Variants in ACER2 observed in about 807,000 individuals in gnomAD.
The protein encoded by ACER2 is alkaline ceramidase 2, also known as alkCDase 2.
In ACER2, 26 loss-of-function variants were observed where a neutral mutation model predicts 34.7. The ratio of observed to expected loss-of-function variants is 0.75; its 90% CI spans 0.55 to 1.04. The LOEUF is 1.04. Ranked by LOEUF, ACER2 falls within the 50% of genes least tolerant of loss-of-function variation. ACER2 has a pLI of 0.00. For missense variants in ACER2, 352 were observed against 340.8 expected, an observed-to-expected ratio of 1.03 and a Z score of -0.26; for synonymous variants, 138 against 132.1, an observed-to-expected ratio of 1.04 and a Z score of -0.31.
At chr9:19,435,372 TAGAAA>T (rs1830927797) in intron 4 of ACER2, among the ~76,000 whole-genome samples, 1 of 152,156 alleles carries the variant, frequency 6.6e-6, no homozygotes, top group African/African-American at 2.4e-5. Flanking sequence ...CTTAATTCTG[TAGAAA>T]AGAAAAGTCC....
In ACER2 at chr9:19,413,875, G is replaced by T. The variant is rs572334177; in HGVS notation, c.108+4683G>T. Reference sequence around the variant, plus strand: ...CGTTATATGCCAAGTCCTAAGTCCCGCTCTCTTCAGGCTGAATCTATCGGT... The same window carrying T: ...CGTTATATGCCAAGTCCTAAGTCCCTCTCTCTTCAGGCTGAATCTATCGGT... On this transcript the variant is annotated intron_variant, in intron 1 of 5. Transcript: ENST00000340967. Among the ~76,000 whole-genome samples, 16 of 152,224 alleles carry T rather than the reference G, an allele frequency of 1.1e-4. No individual in the cohort carries two copies. In the East Asian group the frequency reaches 3.1e-3, roughly 29 times the overall value.
chr9:19,423,293 C>G (rs763425906), intron 1 of ACER2, among the ~76,000 whole-genome samples: 2 of 152,182 alleles, frequency 1.3e-5, no homozygotes, highest in African/African-American at 2.4e-5. Context: ...TGGGCAGCAT[C>G]CATAGACTGC....
chr9:19,445,157 C>G (rs1014248059), intron 4 of ACER2, among the ~76,000 whole-genome samples: 18 of 152,356 alleles, frequency 1.2e-4, no homozygotes, highest in Middle Eastern at 3.4e-3. Context: ...CAGCTGCCCC[C>G]AGGTGTTCGT....
intron 1 of ACER2, chr9:19,409,685 C>A (rs1014500590): frequency 4.2e-6 from 4 of 958,322 alleles, no homozygotes; most frequent in Non-Finnish European, 3.7e-6. Flanking sequence ...GGCAGACTTG[C>A]CCCACCCCCA....
rs1455279882 is a variant in ACER2, at chr9:19,434,966, G to C, written c.385G>C (p.Val129Leu). Residue 129 changes from valine (V) to leucine (L), a missense_variant, in exon 4 of 6, where the codon GTC becomes CTC. Coordinates refer to ENST00000340967, the MANE Select transcript of ACER2 (RefSeq NM_001010887.3). ...RNDRGRFKVVVSVLSAVTTCL... is the reference protein window; with the variant it reads ...RNDRGRFKVVLSVLSAVTTCL... ...ATTCAGGGGTAGGTTCAAGGTGGTGGTCAGTGTCCTGTCTGCGGTTACGAC... is the reference window on the plus strand; with the variant it reads ...ATTCAGGGGTAGGTTCAAGGTGGTGCTCAGTGTCCTGTCTGCGGTTACGAC... 2 of 1,613,858 alleles carry C rather than the reference G, an allele frequency of 1.2e-6. No homozygotes were observed. The highest frequency in any genetic ancestry group is 1.7e-5 in the Admixed American group (1 of 60,030).
In ACER2 at chr9:19,440,176, A is replaced by G. The variant is rs1370424220; in HGVS notation, c.503+5092A>G. ...ATTAGTTCTCCTCACCATGCTTGAAATGTTCTTTGCCATGGCTCCTGTGAT... is the reference window on the plus strand; with the variant it reads ...ATTAGTTCTCCTCACCATGCTTGAAGTGTTCTTTGCCATGGCTCCTGTGAT... On this transcript the variant is annotated intron_variant, in intron 4 of 5. Transcript: ENST00000340967. 2.6e-5 allele frequency among the ~76,000 whole-genome samples: 4 copies of G among 152,076 alleles called. No individual in the cohort carries two copies. In the East Asian group the frequency reaches 7.7e-4, roughly 29 times the overall value.
chr9:19,409,070 T>C lies in ACER2; in HGVS notation c.-15T>C. On this transcript the variant is annotated 5_prime_UTR_variant, in exon 1 of 6. The change abolishes an upstream ATG in the 5' untranslated region. Coordinates refer to ENST00000340967, the MANE Select transcript of ACER2 (RefSeq NM_001010887.3). Reference sequence around the variant, plus strand: ...TCAGCTGCGCGAGCAGCTGCTCCAATGCCCCGGAGTGGCCATGGGCGCCCC... The same window carrying C: ...TCAGCTGCGCGAGCAGCTGCTCCAACGCCCCGGAGTGGCCATGGGCGCCCC... The C allele has an allele frequency of 6.4e-7, 1 of 1,563,430 alleles. No homozygotes were observed. The highest frequency in any genetic ancestry group is 8.7e-7 in the Non-Finnish European group (1 of 1,154,718).
intron 1 of ACER2, among the ~76,000 whole-genome samples, chr9:19,420,664 C>T (rs967719242): frequency 9.9e-5 from 15 of 152,204 alleles, no homozygotes; most frequent in Admixed American, 2.6e-4. Context: ...TGCCTTAGTC[C>T]GTTCATGCTG....
In ACER2 at chr9:19,409,166, C is replaced by G. The variant is rs1265234031; in HGVS notation, c.82C>G (p.Pro28Ala). The part of the protein sequence containing the change: ...DWCEDNYTIV[P>A]AIAEFYNTIS... ...GTGCGAGGACAACTACACCATCGTG[C>G]CTGCTATCGCCGAGTTCTACAACAC... Residue 28 changes from proline (P) to alanine (A), a missense_variant, in exon 1 of 6, where the codon CCT (proline) becomes GCT (alanine). Coordinates refer to ENST00000340967, the MANE Select transcript of ACER2 (RefSeq NM_001010887.3). 6.2e-7 allele frequency: 1 copy of G among 1,602,380 alleles called. No individual in the cohort carries two copies. The highest frequency in any genetic ancestry group is 1.1e-5 in the South Asian group (1 of 88,662).
intron 4 of ACER2, among the ~76,000 whole-genome samples, chr9:19,441,032 T>A (rs914523530): frequency 1.1e-4 from 17 of 151,530 alleles, no homozygotes; most frequent in Admixed American, 1.1e-3. Context: ...TTCAGCACAT[T>A]TTTCTTTTTC....
intron 5 of ACER2, among the ~76,000 whole-genome samples, chr9:19,449,844 A>T (rs1831498333): frequency 6.7e-6 from 1 of 149,234 alleles, no homozygotes; most frequent in African/African-American, 2.5e-5. Flanking sequence ...GTGAGCCGAG[A>T]TTGCACCATT....
intron 4 of ACER2, among the ~76,000 whole-genome samples, chr9:19,444,354 G>GGCGCCCGCCACC (rs1206004709): frequency 6.6e-6 from 1 of 151,788 alleles, no homozygotes; most frequent in Non-Finnish European, 1.5e-5. Flanking sequence ...TGGGACTACA[G>GGCGCCCGCCACC]GCGCCCGCCA....
intron 4 of ACER2, among the ~76,000 whole-genome samples, chr9:19,443,411 C>A (rs979819679): frequency 1.3e-5 from 2 of 152,222 alleles, no homozygotes; most frequent in African/African-American, 4.8e-5. Context: ...CGTGATCCCC[C>A]GGCCTTGGCC....
At position 19,424,820 on chromosome 9, in the gene ACER2, C is replaced by T. The variant is rs1777966192; in HGVS notation, c.344C>T (p.Pro115Leu). The T allele has an allele frequency of 1.9e-6, 3 of 1,613,946 alleles. No homozygotes were observed. Among genetic ancestry groups the T allele is most frequent in the Non-Finnish European group, 2.5e-6 (3 of 1,180,016 alleles). The stretch of plus-strand genomic sequence containing the variant: ...ATGTGGTTCCCCAGAAGGTATCTAC[C>T]AAAGATCTTTCGGAATGACCGGTAA... The part of the protein sequence containing the change: ...LAMWFPRRYL[P>L]KIFRNDRGRF... The change falls in exon 3 of 6, where the codon CCA becomes CTA. Residue 115 changes from proline (P) to leucine (L), a missense_variant. Physicochemically the swap from Pro to Leu is moderately conservative, Grantham distance 98. Coordinates refer to ENST00000340967, the MANE Select transcript of ACER2 (RefSeq NM_001010887.3).
At chr9:19,415,320 G>T (rs772414798) in intron 1 of ACER2, among the ~76,000 whole-genome samples, 4 of 151,788 alleles carry the variant, frequency 2.6e-5, no homozygotes, top group Admixed American at 2.0e-4. Flanking sequence ...GTGAAACCTC[G>T]TCTCTACTGA....
chr9:19,424,255 A>G, intron 2 of ACER2: 1 of 636,798 alleles, frequency 1.6e-6, no homozygotes, highest in Non-Finnish European at 2.0e-6. Context: ...AGGTGAAACA[A>G]CTGAACTCTG....
intron 1 of ACER2, among the ~76,000 whole-genome samples, chr9:19,421,472 GA>G (rs973630030): frequency 1.3e-5 from 2 of 152,060 alleles, no homozygotes; most frequent in Admixed American, 1.3e-4. Flanking sequence ...TATGCTAAAT[GA>G]AAAAATAAGC....
At chr9:19,443,535 G>C (rs991926744) in intron 4 of ACER2, among the ~76,000 whole-genome samples, 1 of 152,224 alleles carries the variant, frequency 6.6e-6, no homozygotes, top group Non-Finnish European at 1.5e-5. Flanking sequence ...GTCCATTTAT[G>C]CATAATTTTA....
chr9:19,444,729 G>C (rs1423411660), intron 4 of ACER2, among the ~76,000 whole-genome samples: 1 of 152,168 alleles, frequency 6.6e-6, no homozygotes, highest in Admixed American at 6.5e-5. Context: ...CTTTTTGAGA[G>C]GGAACCAGCC....
Sources: allele counts gnomAD v4.1 joint callset (sites outside exome capture counted in the v4.1 genomes callset), GRCh38; gene constraint gnomAD v4.1.1; transcripts MANE v1.5; gene names NCBI Gene and HGNC (gene_info 2026-07-23, HGNC 2026-07-21).